The following LARP1B variants were observed in gnomAD, a reference collection of about 807,000 sequenced individuals.
LARP1B encodes the protein La ribonucleoprotein 1B.
In LARP1B, 76 loss-of-function variants were observed where a neutral mutation model predicts 114.2. The observed-to-expected ratio is 0.67, with a 90% CI of 0.55 to 0.81. The LOEUF (loss-of-function observed/expected upper bound fraction) is 0.81. LARP1B is among the 30% of genes least tolerant of loss of function. The probability of loss-of-function intolerance (pLI) is 0.00; values close to 1 mark genes in which losing one functional copy is unlikely to be tolerated. For missense variants in LARP1B, 1,014 were observed against 1,075.8 expected, an observed-to-expected ratio of 0.94 and a Z score of 0.80; for synonymous variants, 345 against 348.0, an observed-to-expected ratio of 0.99 and a Z score of 0.10.
chr4:128,145,826 A>G (rs1730095706), intron 11 of LARP1B, among the ~76,000 whole-genome samples: 1 of 152,166 alleles, frequency 6.6e-6, no homozygotes, highest in Non-Finnish European at 1.5e-5. Flanking sequence ...TCATAGTCAT[A>G]TCAGTTTTAT....
At chr4:128,190,647 CCTG>C (rs1751965720) in intron 15 of LARP1B, among the ~76,000 whole-genome samples, 1 of 152,164 alleles carries the variant, frequency 6.6e-6, no homozygotes, top group Non-Finnish European at 1.5e-5. Context: ...CTCTCTCTCA[CCTG>C]CTGCAGTGTA....
upstream of LARP1B, among the ~76,000 whole-genome samples, chr4:128,061,002 C>T (rs1579542611): frequency 6.6e-6 from 1 of 151,952 alleles, no homozygotes; most frequent in African/African-American, 2.4e-5. Flanking sequence ...CCGCCGTCGC[C>T]GCGGGGGCAG....
chr4:128,095,754 C>G (rs1000011941), intron 7 of LARP1B, among the ~76,000 whole-genome samples: 4 of 151,984 alleles, frequency 2.6e-5, no homozygotes, highest in Non-Finnish European at 4.4e-5. Flanking sequence ...TCAAGGGCAT[C>G]TTTAGTCACT....
chr4:128,125,386 C>A (rs554896389), intron 11 of LARP1B, among the ~76,000 whole-genome samples: 1 of 152,280 alleles, frequency 6.6e-6, no homozygotes, highest in South Asian at 2.1e-4. Flanking sequence ...AAAAGATACC[C>A]CAAAAGAATA....
At chr4:128,203,222 A>T (rs1756526324) in intron 17 of LARP1B, among the ~76,000 whole-genome samples, 3 of 151,714 alleles carry the variant, frequency 2.0e-5, no homozygotes. Context: ...TGTGATAGAT[A>T]CTCTCTCATG....
intron 3 of LARP1B, among the ~76,000 whole-genome samples, chr4:128,076,858 T>C (rs1025395792): frequency 3.9e-5 from 6 of 152,096 alleles, no homozygotes; most frequent in African/African-American, 1.4e-4. Flanking sequence ...CATAAGTAGC[T>C]GCGACTATAG....
intron 12 of LARP1B, among the ~76,000 whole-genome samples, chr4:128,166,012 A>G (rs1314365430): frequency 6.6e-6 from 1 of 152,080 alleles, no homozygotes; most frequent in Non-Finnish European, 1.5e-5. Flanking sequence ...AATGAGTATC[A>G]AATTAATATG....
intron 15 of LARP1B, among the ~76,000 whole-genome samples, chr4:128,192,884 G>A (rs1271839781): frequency 3.3e-5 from 5 of 151,708 alleles, no homozygotes; most frequent in African/African-American, 1.2e-4. Context: ...CCAGGATAGA[G>A]TGCAGTGGCA....
intron 15 of LARP1B, among the ~76,000 whole-genome samples, chr4:128,184,145 G>C (rs1434772434): frequency 1.3e-5 from 2 of 152,202 alleles, no homozygotes; most frequent in Non-Finnish European, 2.9e-5. Flanking sequence ...GGCAGGGTTT[G>C]AGAGGACTGA....
intron 12 of LARP1B, among the ~76,000 whole-genome samples, chr4:128,174,239 A>C (rs986158633): frequency 5.3e-5 from 8 of 152,118 alleles, no homozygotes; most frequent in Non-Finnish European, 7.4e-5. Context: ...GAGATGGCAT[A>C]TGCTTTTGAG....
At chr4:128,135,447 A>C (rs888579526) in intron 11 of LARP1B, among the ~76,000 whole-genome samples, 3 of 152,174 alleles carry the variant, frequency 2.0e-5, no homozygotes, top group African/African-American at 7.2e-5. Flanking sequence ...TGAAGGCAGG[A>C]TCTCTAAGAG....
chr4:128,091,192 AT>A (rs780471962), intron 6 of LARP1B, 48 bp downstream of exon 6: 25 of 1,593,850 alleles, frequency 1.6e-5, no homozygotes, highest in Non-Finnish European at 2.0e-5. Flanking sequence ...TTTGAAAAAA[AT>A]AGAGCAACTA....
chr4:128,078,111 T>G lies in LARP1B; in HGVS notation c.217+149T>G, dbSNP rs980540664. 1.7e-5 allele frequency: 9 copies of G among 530,748 alleles called. No homozygotes were observed. In the African/African-American group the frequency reaches 1.8e-4, roughly 10 times the overall value. The allele number at this position is 530,748 out of a possible 1,614,324, so 32.9% of individuals were successfully genotyped here. ...AATCTGCAGAGGTAACTCATTTGCT[T>G]TTGTAACATTTCTGAACTATTAGAC... On this transcript the variant is annotated intron_variant, in intron 4 of 19. Transcript: ENST00000326639.
At chr4:128,077,605 C>G (rs574409645) in intron 3 of LARP1B, among the ~76,000 whole-genome samples, 183 bp from the exon 4 acceptor site, 46 of 149,878 alleles carry the variant, frequency 3.1e-4, no homozygotes, top group Non-Finnish European at 1.5e-4. Context: ...AAATACTTAG[C>G]AAATACTTTC....
chr4:128,183,784 C>T (rs1183349855), intron 15 of LARP1B, among the ~76,000 whole-genome samples: 3 of 152,176 alleles, frequency 2.0e-5, no homozygotes. Flanking sequence ...CACCATTCTA[C>T]ATGCCATTAA....
intron 11 of LARP1B, among the ~76,000 whole-genome samples, chr4:128,126,436 T>C (rs1789648098): frequency 6.6e-6 from 1 of 152,194 alleles, no homozygotes; most frequent in Non-Finnish European, 1.5e-5. Context: ...TAAAATAATT[T>C]AGATAGTCAG....
rs1267112236 is a variant in LARP1B at position 128,140,978 on chromosome 4, G to A, written c.1524+18790G>A. 2.6e-5 allele frequency among the ~76,000 whole-genome samples: 4 copies of A among 152,104 alleles called. No homozygotes were observed. The East Asian group carries it at 7.7e-4, about 29-fold the overall frequency. ...TTACAGGCATGCACCACCATGCCTG[G>A]CTAATTTTTGTATTTTTAGTAGAGA... On this transcript the variant is annotated intron_variant, in intron 11 of 19. Transcript: ENST00000326639.
At chr4:128,087,853 CAT>C (rs145225994) in intron 5 of LARP1B, among the ~76,000 whole-genome samples, 27 of 149,046 alleles carry the variant, frequency 1.8e-4, no homozygotes, top group Admixed American at 2.0e-4. Flanking sequence ...TGGGGGGGAG[CAT>C]ATATATATAT....
In LARP1B at chr4:128,210,389, A is replaced by C; in HGVS notation, c.*336A>C. 9.3e-7 allele frequency: 1 copy of C among 1,071,896 alleles called. No individual in the cohort carries two copies. The allele number at this position is 1,071,896 out of a possible 1,614,324, so 66.4% of individuals were successfully genotyped here. Reference sequence around the variant, plus strand: ...AAAACAGCATTCCTTAAATATATTTAAAAAACAATACAAGGAATGCCTAAC... The same window carrying C: ...AAAACAGCATTCCTTAAATATATTTCAAAAACAATACAAGGAATGCCTAAC... On this transcript the variant is annotated 3_prime_UTR_variant, in exon 20 of 20. Transcript: ENST00000326639.
Sources: gnomAD v4.1 joint callset for allele counts (sites outside exome capture counted in the v4.1 genomes callset) on GRCh38, gnomAD v4.1.1 for gene constraint, MANE v1.5 for transcripts, NCBI Gene and HGNC (gene_info 2026-07-23, HGNC 2026-07-21) for gene names.